ITGB5: variants seen among roughly 807,000 people sequenced by gnomAD.
ITGB5 encodes integrin subunit beta 5, also known as integrin beta-5.
A neutral mutation model predicts 84.8 loss-of-function variants in ITGB5; 38 were observed. That is an observed-to-expected ratio of 0.45 (90% CI 0.35 to 0.59). The LOEUF (loss-of-function observed/expected upper bound fraction) is 0.59. Ranked by LOEUF, ITGB5 falls within the 20% of genes least tolerant of loss-of-function variation. The pLI is 0.01. For synonymous variants in ITGB5, 393 were observed against 414.4 expected (o/e 0.95, Z 0.63); for missense variants, 905 against 1,034.5 (o/e 0.87, Z 1.72).
chr3:124,810,721 A>G (rs548990747), intron 8 of ITGB5, among the ~76,000 whole-genome samples: 2 of 152,330 alleles, frequency 1.3e-5, no homozygotes, highest in African/African-American at 2.4e-5. Flanking sequence ...ATATTTTACC[A>G]GAAAATTTAA....
At chr3:124,885,871 T>C (rs1355544504) in intron 1 of ITGB5, among the ~76,000 whole-genome samples, 2 of 152,232 alleles carry the variant, frequency 1.3e-5, no homozygotes, top group South Asian at 2.1e-4. Context: ...AAACCTCCAC[T>C]GCCTTCATGT....
rs1405419532 is a variant in ITGB5 at position 124,764,477 on chromosome 3, C to T, written c.2218G>A (p.Ala740Thr). 8 of 1,614,058 alleles carry T rather than the reference C, an allele frequency of 5.0e-6. No individual in the cohort carries two copies. In the East Asian group the frequency reaches 1.3e-4, roughly 27 times the overall value. ...ATGGTGACAAGCAGCTTCCAGATAG[C>T]CAGGAGTGCAAGCCCAACAAGGAGG... ...SILLVGLALL[A>T]IWKLLVTIHD... is the part of the protein sequence containing the mutation. The change falls in exon 14 of 15, where the codon GCT becomes ACT. Residue 740 changes from alanine (A) to threonine (T), a missense_variant. Physicochemically the swap from Ala to Thr is moderately conservative, Grantham distance 58 (BLOSUM62 0). This residue lies in a region of ITGB5 where 133 missense variants were observed against 122.8 expected (regional missense o/e 1.08). Coordinates refer to ENST00000296181, the MANE Select transcript of ITGB5 (RefSeq NM_002213.5).
chr3:124,766,135 G>T, intron 13 of ITGB5, 91 bp downstream of exon 13: 1 of 1,353,242 alleles, frequency 7.4e-7, no homozygotes, highest in Non-Finnish European at 1.0e-6. Flanking sequence ...GATGAGGACA[G>T]AAAGGGCAGT....
intron 5 of ITGB5, among the ~76,000 whole-genome samples, chr3:124,833,990 GACAA>G (rs2064893349): frequency 1.3e-5 from 2 of 152,310 alleles, no homozygotes; most frequent in East Asian, 1.9e-4. Flanking sequence ...GGGCTTCTCT[GACAA>G]ACAGACAGTG....
intron 4 of ITGB5, among the ~76,000 whole-genome samples, chr3:124,845,837 T>C (rs934413326): frequency 3.3e-5 from 5 of 152,236 alleles, no homozygotes; most frequent in South Asian, 2.1e-4. Flanking sequence ...TTCAGATGAA[T>C]TGAAAAAAGG....
intron 9 of ITGB5, among the ~76,000 whole-genome samples, chr3:124,799,489 G>C (rs992203595): frequency 5.9e-5 from 9 of 152,218 alleles, no homozygotes; most frequent in Non-Finnish European, 1.3e-4. Flanking sequence ...GAGCCCGGGA[G>C]GGGGAGGTTG....
intron 5 of ITGB5, among the ~76,000 whole-genome samples, chr3:124,828,686 C>T (rs967979001): frequency 1.3e-5 from 2 of 152,186 alleles, no homozygotes; most frequent in South Asian, 4.1e-4. Flanking sequence ...AATTATACTT[C>T]GATGCTCAGG....
chr3:124,887,008 C>T lies in ITGB5; in HGVS notation c.-8G>A, dbSNP rs1934850849. ...CGCCGGGGCCCGCGGCATGGTGGGG[C>T]GCCTCCCTCAGCGGCGGCGCGGTCG... On this transcript the variant is annotated 5_prime_UTR_variant, in exon 1 of 15. Transcript: ENST00000296181. 7 of 1,173,910 alleles carry T rather than the reference C, an allele frequency of 6.0e-6. No individual in the cohort carries two copies. The highest frequency in any genetic ancestry group is 7.4e-6 in the Non-Finnish European group (7 of 950,958). 72.7% of individuals were successfully genotyped at this position (1,173,910 alleles called of 1,614,324 possible).
intron 5 of ITGB5, among the ~76,000 whole-genome samples, chr3:124,827,993 C>T (rs1426137118): frequency 4.6e-5 from 7 of 152,026 alleles, no homozygotes; most frequent in South Asian, 2.1e-4. Flanking sequence ...CCAACGCCCC[C>T]GCCGCCAGCT....
intron 2 of ITGB5, among the ~76,000 whole-genome samples, chr3:124,865,532 G>A (rs1194325468): frequency 7.6e-6 from 1 of 131,066 alleles, no homozygotes; most frequent in Non-Finnish European, 1.5e-5. Context: ...TGTCGTCTAG[G>A]CTGGAGTGCA....
chr3:124,845,934 G>A (rs1403197213), intron 4 of ITGB5, among the ~76,000 whole-genome samples: 2 of 152,208 alleles, frequency 1.3e-5, no homozygotes, highest in Admixed American at 1.3e-4. Context: ...TAGCTGAAAA[G>A]GGCCTTGGAG....
chr3:124,828,835 C>T lies in ITGB5; in HGVS notation c.781-7361G>A, dbSNP rs372305111. ...TTCACACAGAATTTAGGTGCATGGG[C>T]TCAGGTATCTGGCTAATCTGATTTC... On this transcript the variant is annotated intron_variant, in intron 5 of 14. Coordinates refer to ENST00000296181, the MANE Select transcript of ITGB5 (RefSeq NM_002213.5). Among the ~76,000 whole-genome samples, 9 of 152,320 alleles carry T rather than the reference C, an allele frequency of 5.9e-5. No homozygotes were observed. In the East Asian group the frequency reaches 1.3e-3, roughly 23 times the overall value.
At chr3:124,881,992 A>G (rs1042081306) in intron 1 of ITGB5, among the ~76,000 whole-genome samples, 6 of 152,024 alleles carry the variant, frequency 3.9e-5, no homozygotes, top group Non-Finnish European at 5.9e-5. Context: ...ACACATTCCA[A>G]CAGAATCTCT....
chr3:124,817,028 A>T (rs1397925148), intron 8 of ITGB5, among the ~76,000 whole-genome samples: 1 of 152,166 alleles, frequency 6.6e-6, no homozygotes, highest in Non-Finnish European at 1.5e-5. Context: ...CAGACCAACC[A>T]GGGCAACATA....
chr3:124,793,737 C>G (rs1192992710), intron 10 of ITGB5, among the ~76,000 whole-genome samples: 3 of 152,272 alleles, frequency 2.0e-5, no homozygotes, highest in African/African-American at 7.2e-5. Flanking sequence ...ACAGAACCAT[C>G]TAGCTAACAC....
intron 4 of ITGB5, among the ~76,000 whole-genome samples, chr3:124,844,264 A>C (rs924666998): frequency 5.5e-4 from 83 of 151,898 alleles, no homozygotes; most frequent in Non-Finnish European, 9.7e-4. Flanking sequence ...AATGGACTTA[A>C]AAGAATAGGT....
At chr3:124,814,553 TGCA>T (rs1288742115) in intron 8 of ITGB5, among the ~76,000 whole-genome samples, 1 of 151,220 alleles carries the variant, frequency 6.6e-6, no homozygotes, top group African/African-American at 2.4e-5. Flanking sequence ...CATAGCTCAC[TGCA>T]GCCTTGAACT....
intron 1 of ITGB5, among the ~76,000 whole-genome samples, chr3:124,883,736 C>T (rs1014156027): frequency 2.6e-5 from 4 of 152,328 alleles, no homozygotes; most frequent in South Asian, 2.1e-4. Flanking sequence ...ATAATTCCAG[C>T]GGTGTTGCAG....
At chr3:124,794,994 A>G (rs768260915) in intron 10 of ITGB5, among the ~76,000 whole-genome samples, 2 of 152,184 alleles carry the variant, frequency 1.3e-5, no homozygotes, top group Non-Finnish European at 2.9e-5. Context: ...CAAGTAACGC[A>G]CTTGATTATG....
Sources: gnomAD v4.1 joint callset for allele counts (sites outside exome capture counted in the v4.1 genomes callset) on GRCh38, gnomAD v4.1.1 for gene constraint, gnomAD v4.1.1 regional missense constraint, MANE v1.5 for transcripts, NCBI Gene and HGNC (gene_info 2026-07-23, HGNC 2026-07-21) for gene names.